SEZ6L: variants seen among roughly 807,000 people sequenced by gnomAD.
SEZ6L encodes the protein seizure 6-like protein.
A neutral mutation model predicts 106.2 loss-of-function variants in SEZ6L; 37 were observed. The ratio of observed to expected loss-of-function variants is 0.35; its 90% CI spans 0.27 to 0.46. The LOEUF (loss-of-function observed/expected upper bound fraction) is 0.46, where lower values mean the gene tolerates loss of function less well. Among genes scored for constraint, SEZ6L ranks in the 20% least tolerant of loss-of-function variants. The probability of loss-of-function intolerance (pLI) is 1.00; values close to 1 mark genes in which losing one functional copy is unlikely to be tolerated. For missense variants in SEZ6L, 1,172 were observed against 1,332.8 expected (o/e 0.88, Z 1.88); for synonymous variants, 541 against 570.4 (o/e 0.95, Z 0.73).
intron 4 of SEZ6L, 51 bp from the exon 5 acceptor site, chr22:26,298,933 T>G: frequency 1.9e-4 from 289 of 1,485,932 alleles, no homozygotes; most frequent in Non-Finnish European, 2.4e-4. Context: ...GTCAGGTTCT[T>G]GATCTGCCAC....
intron 15 of SEZ6L, among the ~76,000 whole-genome samples, chr22:26,376,335 T>G (rs1475199757): frequency 6.6e-6 from 1 of 152,054 alleles, no homozygotes; most frequent in Non-Finnish European, 1.5e-5. Context: ...AAGAGAAGGC[T>G]GGGAGGGGGC....
At chr22:26,196,289 C>A (rs1366241558) in intron 1 of SEZ6L, among the ~76,000 whole-genome samples, 1 of 152,156 alleles carries the variant, frequency 6.6e-6, no homozygotes, top group Non-Finnish European at 1.5e-5. Flanking sequence ...GAGACCTCCC[C>A]AGAAGGAGAA....
chr22:26,230,659 CAG>C (rs752996782), intron 1 of SEZ6L, among the ~76,000 whole-genome samples: 5 of 152,172 alleles, frequency 3.3e-5, no homozygotes, highest in Non-Finnish European at 5.9e-5. Context: ...CACCACTGGC[CAG>C]AGTGGCCAGA....
intron 12 of SEZ6L, among the ~76,000 whole-genome samples, chr22:26,360,012 C>A (rs1175070448): frequency 6.6e-6 from 1 of 152,076 alleles, no homozygotes; most frequent in African/African-American, 2.4e-5. Context: ...ATAATATATG[C>A]AAATCATCTA....
intron 1 of SEZ6L, among the ~76,000 whole-genome samples, chr22:26,227,954 GC>G (rs1444264639): frequency 1.3e-5 from 2 of 152,218 alleles, no homozygotes; most frequent in Non-Finnish European, 2.9e-5. Context: ...AGGGACACAA[GC>G]CCCGCGAGAG....
intron 1 of SEZ6L, among the ~76,000 whole-genome samples, chr22:26,271,325 A>G (rs2080359020): frequency 6.6e-6 from 1 of 152,244 alleles, no homozygotes; most frequent in Admixed American, 6.5e-5. Flanking sequence ...GTATCTATTA[A>G]ATACAAAAGT....
At chr22:26,287,256 T>G (rs1419777596) in intron 1 of SEZ6L, among the ~76,000 whole-genome samples, 1 of 152,144 alleles carries the variant, frequency 6.6e-6, no homozygotes, top group Non-Finnish European at 1.5e-5. Flanking sequence ...TAAGGAAAGC[T>G]CCATCTCTTC....
intron 1 of SEZ6L, among the ~76,000 whole-genome samples, chr22:26,196,209 T>A (rs557289403): frequency 6.6e-6 from 1 of 152,264 alleles, no homozygotes; most frequent in Admixed American, 6.5e-5. Flanking sequence ...CTTTCTCTTC[T>A]TGCTCCTGCT....
chr22:26,307,694 G>A (rs2081678032), intron 6 of SEZ6L, among the ~76,000 whole-genome samples: 2 of 143,276 alleles, frequency 1.4e-5, no homozygotes, highest in South Asian at 4.2e-4. Flanking sequence ...CCTTTCTTCT[G>A]GAGACTCTGA....
intron 1 of SEZ6L, among the ~76,000 whole-genome samples, chr22:26,240,950 C>A (rs961405432): frequency 6.6e-6 from 1 of 152,172 alleles, no homozygotes; most frequent in Non-Finnish European, 1.5e-5. Context: ...CAACCCCCAG[C>A]ACAAAGCATT....
intron 1 of SEZ6L, among the ~76,000 whole-genome samples, chr22:26,269,710 G>A (rs1324410173): frequency 2.0e-5 from 3 of 152,216 alleles, no homozygotes; most frequent in Non-Finnish European, 4.4e-5. Context: ...AATAAAGCGT[G>A]TTATCCTGCC....
At chr22:26,293,482 T>C (rs1296840151) in intron 2 of SEZ6L, among the ~76,000 whole-genome samples, 1 of 152,152 alleles carries the variant, frequency 6.6e-6, no homozygotes, top group Non-Finnish European at 1.5e-5. Context: ...AAGCATGCAC[T>C]ATGATGTCCA....
At chr22:26,361,854 T>C (rs1029633925) in intron 12 of SEZ6L, among the ~76,000 whole-genome samples, 2 of 152,124 alleles carry the variant, frequency 1.3e-5, no homozygotes, top group African/African-American at 4.8e-5. Context: ...AAATATTTAC[T>C]GGGCACCTAC....
chr22:26,228,691 A>T (rs992027527), intron 1 of SEZ6L, among the ~76,000 whole-genome samples: 1 of 152,132 alleles, frequency 6.6e-6, no homozygotes, highest in Non-Finnish European at 1.5e-5. Context: ...AGAGCAAAGT[A>T]CTCTCCAAAC....
At chr22:26,296,056 C>A (rs1348889440) in intron 3 of SEZ6L, among the ~76,000 whole-genome samples, 1 of 152,138 alleles carries the variant, frequency 6.6e-6, no homozygotes, top group African/African-American at 2.4e-5. Context: ...AACTAAAGTT[C>A]CAAGCCCTAC....
intron 3 of SEZ6L, among the ~76,000 whole-genome samples, chr22:26,295,423 C>T (rs1437973286): frequency 6.6e-6 from 1 of 152,122 alleles, no homozygotes; most frequent in African/African-American, 2.4e-5. Flanking sequence ...ATGACCTTAC[C>T]TTAGGAAGGT....
intron 9 of SEZ6L, among the ~76,000 whole-genome samples, chr22:26,319,283 C>T (rs769460321): frequency 2.0e-5 from 3 of 152,234 alleles, no homozygotes; most frequent in Non-Finnish European, 4.4e-5. Context: ...GTTATTGCAA[C>T]GGCCTTTGAG....
intron 9 of SEZ6L, among the ~76,000 whole-genome samples, chr22:26,328,646 A>G (rs2082392161): frequency 6.6e-6 from 1 of 152,086 alleles, no homozygotes; most frequent in Non-Finnish European, 1.5e-5. Context: ...CTCAGTCCAG[A>G]GATGTGGAAA....
chr22:26,279,721 C>G (rs2080695968), intron 1 of SEZ6L, among the ~76,000 whole-genome samples: 1 of 152,158 alleles, frequency 6.6e-6, no homozygotes, highest in Non-Finnish European at 1.5e-5. Context: ...AATTATAGAA[C>G]TTCTGGAAAC....
Sources: gnomAD v4.1 joint callset for allele counts (sites outside exome capture counted in the v4.1 genomes callset) on GRCh38, gnomAD v4.1.1 for gene constraint, MANE v1.5 for transcripts, NCBI Gene and HGNC (gene_info 2026-07-23, HGNC 2026-07-21) for gene names.